TFDP2: variants seen among roughly 807,000 people sequenced by gnomAD.
The protein encoded by TFDP2 is transcription factor Dp-2.
In TFDP2, 17 loss-of-function variants were observed where a neutral mutation model predicts 59.3. The observed-to-expected ratio is 0.29, with a 90% CI of 0.20 to 0.43. The LOEUF (loss-of-function observed/expected upper bound fraction) is 0.43. Among genes scored for constraint, TFDP2 ranks in the 20% least tolerant of loss-of-function variants. The pLI, the probability that TFDP2 is intolerant of heterozygous loss-of-function variation, is 1.00. For synonymous variants in TFDP2, 180 were observed against 194.7 expected, an observed-to-expected ratio of 0.92 and a Z score of 0.63; for missense variants, 391 against 528.8, an observed-to-expected ratio of 0.74 and a Z score of 2.56.
intron 3 of TFDP2, among the ~76,000 whole-genome samples, chr3:142,088,303 G>A (rs2060873251): frequency 6.6e-6 from 1 of 151,820 alleles, no homozygotes; most frequent in African/African-American, 2.4e-5. Flanking sequence ...CGCAACCCTG[G>A]AGCAGTCCAG....
At chr3:142,053,527 A>G (rs1176053124) in intron 3 of TFDP2, among the ~76,000 whole-genome samples, 1 of 152,144 alleles carries the variant, frequency 6.6e-6, no homozygotes, top group African/African-American at 2.4e-5. Flanking sequence ...TTCTTTATAA[A>G]TTATCCTGCC....
chr3:142,116,758 T>C (rs932672594), intron 1 of TFDP2, among the ~76,000 whole-genome samples: 3 of 152,220 alleles, frequency 2.0e-5, no homozygotes, highest in Admixed American at 6.5e-5. Context: ...CTGTAACTTA[T>C]GGGGTTCTCC....
rs904824046 is a variant in TFDP2, at chr3:141,944,643, A to G, written c.*7870T>C. ...GCCCCACCTCCAGCACTTCTGACTG[A>G]GCGTCTGGGACGCATCCTAGGATCG... On this transcript the variant is annotated 3_prime_UTR_variant, in exon 13 of 13. Transcript: ENST00000489671. The G allele has an allele frequency of 2.9e-4, 44 of 152,166 alleles. No homozygotes were observed. Among genetic ancestry groups the G allele is most frequent in the African/African-American group, 1.0e-3 (43 of 41,428 alleles). 9.4% of individuals were successfully genotyped at this position (152,166 alleles called of 1,614,324 possible).
intron 3 of TFDP2, among the ~76,000 whole-genome samples, chr3:142,009,247 C>A (rs1434362381): frequency 6.6e-6 from 1 of 152,162 alleles, no homozygotes; most frequent in Non-Finnish European, 1.5e-5. Context: ...AAACTTCCTG[C>A]AATACAGTTT....
chr3:142,119,527 G>C (rs2061964201), intron 1 of TFDP2, among the ~76,000 whole-genome samples: 1 of 151,434 alleles, frequency 6.6e-6, no homozygotes, highest in Admixed American at 6.6e-5. Flanking sequence ...GTGGAAAATA[G>C]AATGGCAATT....
intron 4 of TFDP2, among the ~76,000 whole-genome samples, chr3:142,001,477 G>T (rs573704252): frequency 6.6e-6 from 1 of 152,092 alleles, no homozygotes; most frequent in Non-Finnish European, 1.5e-5. Context: ...GAGCAGCACC[G>T]GTAATCACTG....
chr3:141,959,199 AC>A (rs1209965091), intron 11 of TFDP2, among the ~76,000 whole-genome samples: 2 of 151,670 alleles, frequency 1.3e-5, no homozygotes, highest in East Asian at 3.9e-4. Flanking sequence ...CAGGTGATCC[AC>A]CCGTCTTGGC....
At chr3:142,122,234 A>G (rs1185619481) in intron 1 of TFDP2, among the ~76,000 whole-genome samples, 1 of 152,188 alleles carries the variant, frequency 6.6e-6, no homozygotes, top group Non-Finnish European at 1.5e-5. Context: ...AGTGCATCAA[A>G]AGTTTACCTG....
intron 1 of TFDP2, among the ~76,000 whole-genome samples, chr3:142,143,412 C>G (rs1288259819): frequency 2.0e-5 from 3 of 152,052 alleles, no homozygotes; most frequent in Non-Finnish European, 2.9e-5. Flanking sequence ...GGGATCACAT[C>G]AAGTAAAAAG....
chr3:142,017,058 T>G (rs2108328786), intron 3 of TFDP2, among the ~76,000 whole-genome samples: 1 of 152,308 alleles, frequency 6.6e-6, no homozygotes, highest in South Asian at 2.1e-4. Context: ...CCCCCAGATA[T>G]CCTACGTCTT....
At chr3:142,135,692 A>G (rs928321494) in intron 1 of TFDP2, among the ~76,000 whole-genome samples, 2 of 152,016 alleles carry the variant, frequency 1.3e-5, no homozygotes, top group African/African-American at 4.8e-5. Flanking sequence ...GCTCAGAATG[A>G]TGGTTTCCAG....
chr3:142,130,722 G>C (rs559182821), intron 1 of TFDP2, among the ~76,000 whole-genome samples: 19 of 151,964 alleles, frequency 1.3e-4, no homozygotes, highest in Non-Finnish European at 1.8e-4. Context: ...ACAACAATAT[G>C]AATGTACTTC....
At chr3:141,962,696 G>A (rs11569264) in intron 10 of TFDP2, among the ~76,000 whole-genome samples, 19 of 152,294 alleles carry the variant, frequency 1.2e-4, no homozygotes, top group African/African-American at 4.3e-4. Context: ...TTAGTGGAGT[G>A]GCCCGGAATC....
At chr3:142,072,878 T>C (rs1377899798) in intron 3 of TFDP2, among the ~76,000 whole-genome samples, 2 of 152,210 alleles carry the variant, frequency 1.3e-5, no homozygotes, top group Non-Finnish European at 2.9e-5. Flanking sequence ...TAATTTAACT[T>C]ATGTAGAAAC....
At chr3:142,076,073 T>C (rs1443695805) in intron 3 of TFDP2, among the ~76,000 whole-genome samples, 2 of 151,756 alleles carry the variant, frequency 1.3e-5, no homozygotes, top group South Asian at 2.1e-4. Flanking sequence ...TAGCTGGGCA[T>C]GGTGGTGCAT....
intron 3 of TFDP2, among the ~76,000 whole-genome samples, chr3:142,013,763 C>T (rs891605594): frequency 2.7e-5 from 4 of 148,798 alleles, no homozygotes; most frequent in African/African-American, 9.9e-5. Context: ...ATTGTCTAGA[C>T]ACCACATATT....
At chr3:142,125,919 T>G (rs892229283) in intron 1 of TFDP2, among the ~76,000 whole-genome samples, 3 of 152,194 alleles carry the variant, frequency 2.0e-5, no homozygotes, top group Non-Finnish European at 2.9e-5. Flanking sequence ...TATATTTTCC[T>G]TCACATAGAA....
intron 1 of TFDP2, among the ~76,000 whole-genome samples, chr3:142,146,234 A>T (rs973785946): frequency 1.2e-4 from 18 of 152,226 alleles, no homozygotes; most frequent in African/African-American, 4.1e-4. Flanking sequence ...CTACCAAAAA[A>T]TATTCTATTA....
chr3:141,997,252 AGT>A (rs1409464390), intron 4 of TFDP2, among the ~76,000 whole-genome samples: 1 of 152,220 alleles, frequency 6.6e-6, no homozygotes, highest in Non-Finnish European at 1.5e-5. Context: ...TAGGGGAAAA[AGT>A]AACTTCATTT....
Sources: allele counts gnomAD v4.1 joint callset (sites outside exome capture counted in the v4.1 genomes callset), GRCh38; gene constraint gnomAD v4.1.1; transcripts MANE v1.5; gene names NCBI Gene and HGNC (gene_info 2026-07-23, HGNC 2026-07-21).